The following BPIFB4 variants were observed in gnomAD, a reference collection of about 807,000 sequenced individuals.
BPIFB4 encodes the protein BPI fold containing family B member 4, also known as BPI fold-containing family B member 4.
Under a neutral mutation model 69.2 loss-of-function variants are expected in BPIFB4, and 62 were observed. That is an observed-to-expected ratio of 0.90 (90% CI 0.73 to 1.11). The LOEUF (loss-of-function observed/expected upper bound fraction) is 1.11, where lower values mean the gene tolerates loss of function less well. Ranked by LOEUF, BPIFB4 falls within the 50% of genes least tolerant of loss-of-function variation. The pLI is 0.00. For missense variants in BPIFB4, 789 were observed against 792.0 expected, an observed-to-expected ratio of 1.00 and a Z score of 0.04; for synonymous variants, 330 against 332.7, an observed-to-expected ratio of 0.99 and a Z score of 0.09.
chr20:33,098,999 T>G (rs1981832631), intron 13 of BPIFB4, among the ~76,000 whole-genome samples: 1 of 151,216 alleles, frequency 6.6e-6, no homozygotes, highest in Middle Eastern at 3.4e-3. Context: ...TTTTTTTTTT[T>G]TCTTTGAGAT....
At position 33,085,010 on chromosome 20, in the gene BPIFB4, G is replaced by A. The variant is rs202159890; in HGVS notation, c.782+14G>A. 1.0e-4 allele frequency: 161 copies of A among 1,608,018 alleles called. No individual in the cohort carries two copies. The African/African-American group carries it at 1.8e-3, about 18-fold the overall frequency. On this transcript the variant is annotated intron_variant, in intron 6 of 17. Transcript: ENST00000375483. The stretch of plus-strand genomic sequence containing the variant: ...CAACGGGAAGAGGTGCGTGCCCTTG[G>A]CCCTGGAGGGGTCCCCACCACCCTA...
chr20:33,087,408 T>C (rs1010462436), intron 7 of BPIFB4, among the ~76,000 whole-genome samples: 1 of 152,238 alleles, frequency 6.6e-6, no homozygotes, highest in Non-Finnish European at 1.5e-5. Context: ...AATACTGTTT[T>C]GCACTTTGCT....
At chr20:33,086,290 G>GTGAGTACAGCTGGCTCAGCA in intron 7 of BPIFB4, 126 bp downstream of exon 7, 1 of 1,271,928 alleles carries the variant, frequency 7.9e-7, no homozygotes, top group Non-Finnish European at 1.1e-6. Flanking sequence ...CTGTGGGGTG[G>GTGAGTACAGCTGGCTCAGCA]TGAGTACTCA....
intron 17 of BPIFB4, among the ~76,000 whole-genome samples, chr20:33,109,353 T>TCTTTCATGGACTTGGCCTTACCACATGAC (rs1366222526): frequency 6.6e-6 from 1 of 152,198 alleles, no homozygotes; most frequent in African/African-American, 2.4e-5. Flanking sequence ...CCATACATAG[T>TCTTTCATGGACTTGGCCTTACCACATGAC]CTTTCATGGA....
At chr20:33,110,946 G>A (rs745513272) in intron 17 of BPIFB4, among the ~76,000 whole-genome samples, 60 of 151,580 alleles carry the variant, frequency 4.0e-4, no homozygotes, top group Admixed American at 1.3e-3. Flanking sequence ...CTCCCAAGTA[G>A]CTGGAATTAC....
rs1382811914 is a variant in BPIFB4 at position 33,095,089 on chromosome 20, T to C, written c.1345-11T>C. The C allele has an allele frequency of 6.2e-7, 1 of 1,608,614 alleles. No homozygotes were observed. The highest frequency in any genetic ancestry group is 1.3e-5 in the African/African-American group (1 of 74,790). ...TCCAGGATTCACGTGGCCCTTCTTCTTGTCCTATAGTTTGAAGAGCTTCCT... is the reference window on the plus strand; with the variant it reads ...TCCAGGATTCACGTGGCCCTTCTTCCTGTCCTATAGTTTGAAGAGCTTCCT... On this transcript the variant is annotated splice_polypyrimidine_tract_variant and intron_variant, in intron 11 of 17. Transcript: ENST00000375483.
At chr20:33,095,662 A>G (rs1981735079) in intron 12 of BPIFB4, among the ~76,000 whole-genome samples, 1 of 152,104 alleles carries the variant, frequency 6.6e-6, no homozygotes. Flanking sequence ...TAGATGCACA[A>G]TTCCTCTCTC....
At chr20:33,087,753 C>CACACACACACACAA (rs56030970) in intron 7 of BPIFB4, among the ~76,000 whole-genome samples, 28,744 of 140,470 alleles carry the variant, frequency 0.2, 4,252 homozygotes, top group East Asian at 0.54. Context: ...CACACACACA[C>CACACACACACACAA]AAGCATGCAT....
intron 16 of BPIFB4, among the ~76,000 whole-genome samples, chr20:33,106,568 T>C (rs1982063419): frequency 6.6e-6 from 1 of 152,024 alleles, no homozygotes; most frequent in Non-Finnish European, 1.5e-5. Flanking sequence ...AGATGGGTTT[T>C]TGCCATGTTG....
chr20:33,085,044 C>A (rs1347124197), intron 6 of BPIFB4, 48 bp downstream of exon 6: 1 of 1,582,062 alleles, frequency 6.3e-7, no homozygotes, highest in Non-Finnish European at 8.6e-7. Flanking sequence ...TATGGCCCAA[C>A]CTCTGTATCC....
chr20:33,102,141 G>T (rs558689928), intron 14 of BPIFB4, among the ~76,000 whole-genome samples: 17 of 152,364 alleles, frequency 1.1e-4, no homozygotes, highest in African/African-American at 4.1e-4. Flanking sequence ...GCATGGGCAA[G>T]CTTCGCAGAG....
Position 33,095,117 on chromosome 20 carries a change from AC to A in BPIFB4, c.1363del (p.Thr456ProfsTer8). The part of the protein sequence containing the change: ...TNGMFEELPP[L>X]TTATLGALIP... ...TCCTATAGTTTGAAGAGCTTCCTCC[AC>A]TTACCACAGCCACACTGGGAGCCCT... On this transcript the variant is annotated frameshift_variant, in exon 12 of 18. Coordinates refer to ENST00000375483, the MANE Select transcript of BPIFB4 (RefSeq NM_182519.3). LOFTEE classifies it high-confidence loss of function. The A allele has an allele frequency of 6.2e-7, 1 of 1,613,088 alleles. No individual in the cohort carries two copies. Among genetic ancestry groups the A allele is most frequent in the Middle Eastern group, 1.7e-4 (1 of 6,058 alleles).
At chr20:33,086,291 TGA>T in intron 7 of BPIFB4, 127 bp downstream of exon 7, 1 of 1,248,088 alleles carries the variant, frequency 8.0e-7, no homozygotes, top group South Asian at 1.5e-5. Context: ...TGTGGGGTGG[TGA>T]GTACTCATGC....
At chr20:33,085,453 C>T (rs1489284881) in intron 6 of BPIFB4, among the ~76,000 whole-genome samples, 1 of 151,826 alleles carries the variant, frequency 6.6e-6, no homozygotes, top group Non-Finnish European at 1.5e-5. Context: ...AAAACTCCAT[C>T]TCAAAATAAA....
rs1266901385 is a variant in BPIFB4, at chr20:33,083,622, C to T, written c.425C>T (p.Ala142Val). 8 of 1,613,940 alleles carry T rather than the reference C, an allele frequency of 5.0e-6. No individual in the cohort carries two copies. The highest frequency in any genetic ancestry group is 6.8e-6 in the Non-Finnish European group (8 of 1,179,972). Residue 142 changes from alanine to valine, a missense_variant, in exon 5 of 18, where the codon GCA becomes GTA. Around this residue, in one of 3 missense-constraint regions of BPIFB4, gnomAD observed 611 missense variants for 575.4 expected, o/e 1.06. Transcript: ENST00000375483. Reference protein sequence around the residue: ...GHRGLGRYRAAPVGRLHRREL... With the variant: ...GHRGLGRYRAVPVGRLHRREL... ...AGGGGCCTCGGGCGATACAGGGCAG[C>T]ACCTGTGGGCAGGCTTCACCGGCGA...
rs767062633 is a variant in BPIFB4 at position 33,097,742 on chromosome 20, C to A, written c.1524C>A (p.Val508=). 3 of 1,614,194 alleles carry A rather than the reference C, an allele frequency of 1.9e-6. No individual in the cohort carries two copies. Among genetic ancestry groups the A allele is most frequent in the Non-Finnish European group, 2.5e-6 (3 of 1,180,002 alleles). Residue 508 remains valine, a synonymous_variant, in exon 13 of 18, where the codon GTC becomes GTA. Transcript: ENST00000375483. ...TGTTGGCCACTGCCGAGGTCATGGT[C>A]TCCCAGCCCAAAGACCTGGAGACTA... ...VKVLATAEVM[V]SQPKDLETTI...
rs536077204 is a variant in BPIFB4, at chr20:33,079,952, C to A, written c.-124+249C>A. Among the ~76,000 whole-genome samples the A allele has an allele frequency of 5.3e-5, 8 of 152,302 alleles. No homozygotes were observed. The East Asian group carries it at 1.5e-3, about 29-fold the overall frequency. On this transcript the variant is annotated intron_variant, in intron 1 of 17. Coordinates refer to ENST00000375483, the MANE Select transcript of BPIFB4 (RefSeq NM_182519.3). ...TCCCAGGGACGTTGGGTACCGAGGG[C>A]CTTTGCTACCTCCTGGAGACTCCTC...
At chr20:33,106,206 G>A (rs1982049557) in intron 16 of BPIFB4, among the ~76,000 whole-genome samples, 1 of 151,962 alleles carries the variant, frequency 6.6e-6, no homozygotes, top group South Asian at 2.1e-4. Context: ...ACAGTAATTA[G>A]CAGGTTTACT....
intron 16 of BPIFB4, among the ~76,000 whole-genome samples, chr20:33,107,471 AC>A (rs1342695465): frequency 6.6e-6 from 1 of 151,710 alleles, no homozygotes; most frequent in Non-Finnish European, 1.5e-5. Flanking sequence ...AAACAAACAA[AC>A]AAACAAAAAA....
Sources: gnomAD v4.1 joint callset for allele counts (sites outside exome capture counted in the v4.1 genomes callset) on GRCh38, gnomAD v4.1.1 for gene constraint, gnomAD v4.1.1 regional missense constraint, MANE v1.5 for transcripts, NCBI Gene and HGNC (gene_info 2026-07-23, HGNC 2026-07-21) for gene names.